The following SBF2 variants were observed in gnomAD, a reference collection of about 807,000 sequenced individuals.
SBF2 encodes myotubularin-related protein 13.
A neutral mutation model predicts 225.2 loss-of-function variants in SBF2; 112 were observed. The observed-to-expected ratio is 0.50, with a 90% CI of 0.43 to 0.58. The LOEUF is 0.58. Among genes scored for constraint, SBF2 ranks in the 20% least tolerant of loss-of-function variants. The pLI is 0.00. For synonymous variants in SBF2, 763 were observed against 773.3 expected (o/e 0.99, Z 0.22); for missense variants, 1,996 against 2,206.2 (o/e 0.90, Z 1.91).
At chr11:10,093,016 T>G (rs1237991051) in intron 2 of SBF2, among the ~76,000 whole-genome samples, 1 of 143,076 alleles carries the variant, frequency 7.0e-6, no homozygotes. Context: ...TTCTTTTCCT[T>G]CTTTCTTTTT....
chr11:9,980,916 A>AT (rs144553493), intron 13 of SBF2, among the ~76,000 whole-genome samples: 3 of 152,178 alleles, frequency 2.0e-5, no homozygotes, highest in African/African-American at 7.2e-5. Context: ...TAAAAGATGG[A>AT]TTTTTTTGTT....
At chr11:10,203,160 G>T (rs764979241) in intron 1 of SBF2, among the ~76,000 whole-genome samples, 1 of 152,096 alleles carries the variant, frequency 6.6e-6, no homozygotes, top group African/African-American at 2.4e-5. Flanking sequence ...ACCCAAAGAG[G>T]TTAGGGTTCA....
At chr11:10,174,459 G>GA (rs759320869) in intron 2 of SBF2, among the ~76,000 whole-genome samples, 3 of 152,094 alleles carry the variant, frequency 2.0e-5, no homozygotes, top group Non-Finnish European at 2.9e-5. Context: ...GAAGTTTAGA[G>GA]AAAAAAGAAT....
At chr11:9,969,357 T>C (rs1426120252) in intron 13 of SBF2, among the ~76,000 whole-genome samples, 1 of 152,242 alleles carries the variant, frequency 6.6e-6, no homozygotes, top group Non-Finnish European at 1.5e-5. Context: ...CTGCAGACTA[T>C]GTGATCTAGT....
chr11:9,812,744 G>C (rs750912082), intron 29 of SBF2, 36 bp from the exon 30 acceptor site: 3 of 1,604,710 alleles, frequency 1.9e-6, no homozygotes, highest in Non-Finnish European at 1.7e-6. Flanking sequence ...GGCAGATGAA[G>C]TGCTATAGGT....
Position 10,086,048 on chromosome 11 carries a change from TG to T in SBF2, c.142-43068del. Reference sequence around the variant, plus strand: ...GCTGGCACACACGTGCATGTGTGCATGCACGTGTGTGTGTTCTAACCTGCCT... The same window carrying T: ...GCTGGCACACACGTGCATGTGTGCATCACGTGTGTGTGTTCTAACCTGCCT... On this transcript the variant is annotated intron_variant, in intron 2 of 39. Transcript: ENST00000256190. Among the ~76,000 whole-genome samples, 2 of 142,844 alleles carry T rather than the reference TG, an allele frequency of 1.4e-5. 1 individual carries two copies. Among genetic ancestry groups the T allele is most frequent in the South Asian group, 4.4e-4 (2 of 4,574 alleles). The allele number at this position is 142,844 out of a possible 152,430, so 93.7% of individuals were successfully genotyped here. A position where few individuals can be genotyped will look rare whatever the true frequency, so the allele number is the denominator to read the frequency against.
chr11:10,049,766 TA>T (rs1354790182), intron 2 of SBF2, among the ~76,000 whole-genome samples: 1 of 152,234 alleles, frequency 6.6e-6, no homozygotes, highest in Non-Finnish European at 1.5e-5. Context: ...AACATGTAAC[TA>T]TCCTTGGCTT....
intron 1 of SBF2, among the ~76,000 whole-genome samples, chr11:10,196,446 C>G (rs1197362957): frequency 6.6e-6 from 1 of 152,098 alleles, no homozygotes; most frequent in Non-Finnish European, 1.5e-5. Context: ...GTGGCACAAT[C>G]ATCGCTCACC....
intron 21 of SBF2, 38 bp from the exon 22 acceptor site, chr11:9,850,256 CTAAT>C (rs761274543): frequency 1.8e-5 from 28 of 1,582,672 alleles, no homozygotes; most frequent in Non-Finnish European, 2.2e-5. Flanking sequence ...GATTGATTGA[CTAAT>C]TGATTGATTT....
chr11:10,074,834 C>A (rs1951032696), intron 2 of SBF2, among the ~76,000 whole-genome samples: 2 of 152,008 alleles, frequency 1.3e-5, no homozygotes, highest in Admixed American at 6.6e-5. Context: ...ATTTTGTTTA[C>A]ACATATATTA....
rs60485793 is a variant in SBF2 at position 10,094,528 on chromosome 11, A to ATTTTTTTTTTTTTTTTT, written c.142-51564_142-51548dup. 2.2e-3 allele frequency among the ~76,000 whole-genome samples: 239 copies of ATTTTTTTTTTTTTTTTT among 107,230 alleles called. 17 individuals carry two copies. The highest frequency in any genetic ancestry group is 0.022 in the East Asian group (71 of 3,250). 70.3% of individuals were successfully genotyped at this position (107,230 alleles called of 152,430 possible). A position where few individuals can be genotyped will look rare whatever the true frequency, so the allele number is the denominator to read the frequency against. On this transcript the variant is annotated intron_variant, in intron 2 of 39. Coordinates refer to ENST00000256190, the MANE Select transcript of SBF2 (RefSeq NM_030962.4). ...TTTTCCCTACTACAAATACACACAG[A>ATTTTTTTTTTTTTTTTT]TTTTTTTTTTTTTTTTTTGAGACAG...
At chr11:10,080,498 T>C (rs1378551513) in intron 2 of SBF2, among the ~76,000 whole-genome samples, 1 of 150,494 alleles carries the variant, frequency 6.6e-6, no homozygotes, top group Non-Finnish European at 1.5e-5. Flanking sequence ...GAAAGACACA[T>C]AAATCATATG....
rs578040400 is a variant in SBF2 at position 10,184,221 on chromosome 11, TG to T, written c.141+9680del. On this transcript the variant is annotated intron_variant, in intron 2 of 39. Coordinates refer to ENST00000256190, the MANE Select transcript of SBF2 (RefSeq NM_030962.4). ...AAAAGAAATAAATTCATGATATATA[TG>T]TGAGTTTGCTTCTAGACTGTACCAT... Among the ~76,000 whole-genome samples the T allele has an allele frequency of 3.5e-4, 54 of 152,324 alleles. 1 individual carries two copies. The South Asian group carries it at 0.011, about 30-fold the overall frequency.
chr11:10,231,481 T>A (rs1331957405), intron 1 of SBF2, among the ~76,000 whole-genome samples: 4 of 151,942 alleles, frequency 2.6e-5, no homozygotes, highest in Admixed American at 6.6e-5. Flanking sequence ...TACAGATGGG[T>A]TTTTGGTGTG....
At chr11:9,812,185 T>C (rs1038860501) in intron 30 of SBF2, among the ~76,000 whole-genome samples, 1 of 152,188 alleles carries the variant, frequency 6.6e-6, no homozygotes, top group Admixed American at 6.5e-5. Context: ...CCCTCTGCCC[T>C]GGATCCTTAC....
At chr11:10,008,072 G>A (rs74562941) in intron 6 of SBF2, among the ~76,000 whole-genome samples, 12,796 of 152,146 alleles carry the variant, frequency 0.084, 728 homozygotes, top group East Asian at 0.29. Context: ...TGACTGACCC[G>A]GGTGGCTACC....
intron 22 of SBF2, among the ~76,000 whole-genome samples, chr11:9,847,336 T>C (rs1047652120): frequency 2.6e-5 from 4 of 152,094 alleles, no homozygotes; most frequent in Admixed American, 6.6e-5. Context: ...AGGCAAGAAC[T>C]GGAATTCTTG....
rs1350645009 is a variant in SBF2 at position 10,132,871 on chromosome 11, T to C, written c.141+61031A>G. Among the ~76,000 whole-genome samples the C allele has an allele frequency of 2.0e-5, 3 of 148,240 alleles. 1 individual carries two copies. Among genetic ancestry groups the C allele is most frequent in the Admixed American group, 6.8e-5 (1 of 14,614 alleles). On this transcript the variant is annotated intron_variant, in intron 2 of 39. Coordinates refer to ENST00000256190, the MANE Select transcript of SBF2 (RefSeq NM_030962.4). Reference sequence around the variant, plus strand: ...ACAATCCCTGAGCTAGATACAAAGGTTCTCCACGTCCCCATCAGATTAGTT... The same window carrying C: ...ACAATCCCTGAGCTAGATACAAAGGCTCTCCACGTCCCCATCAGATTAGTT...
At chr11:9,926,143 T>G (rs1312355733) in intron 16 of SBF2, among the ~76,000 whole-genome samples, 1 of 152,214 alleles carries the variant, frequency 6.6e-6, no homozygotes, top group African/African-American at 2.4e-5. Context: ...CTTATAAAAG[T>G]GTTTTAGTCT....
Sources: allele counts gnomAD v4.1 joint callset (sites outside exome capture counted in the v4.1 genomes callset), GRCh38; gene constraint gnomAD v4.1.1; transcripts MANE v1.5; gene names NCBI Gene and HGNC (gene_info 2026-07-23, HGNC 2026-07-21).